LRBA: variants seen among roughly 807,000 people sequenced by gnomAD.
LRBA encodes the protein lipopolysaccharide-responsive and beige-like anchor protein.
Under a neutral mutation model 330.0 loss-of-function variants are expected in LRBA, and 176 were observed. That is an observed-to-expected ratio of 0.53 (90% CI 0.47 to 0.60). LRBA has a LOEUF of 0.60. LRBA is among the 20% of genes least tolerant of loss of function. The pLI, the probability that LRBA is intolerant of heterozygous loss-of-function variation, is 0.00. For missense variants in LRBA, 3,259 were observed against 3,444.8 expected (o/e 0.95, Z 1.35); for synonymous variants, 1,230 against 1,193.0 (o/e 1.03, Z -0.64).
intron 2 of LRBA, among the ~76,000 whole-genome samples, chr4:150,967,127 TA>T (rs991507878): frequency 3.3e-5 from 5 of 152,220 alleles, no homozygotes; most frequent in East Asian, 1.9e-4. Flanking sequence ...ATTAAGGACA[TA>T]AAAAAAATTC....
In LRBA at chr4:150,870,522, T is replaced by C. The variant is rs774336563; in HGVS notation, c.2449+3A>G. The C allele has an allele frequency of 5.2e-6, 8 of 1,529,504 alleles. No individual in the cohort carries two copies. In the Admixed American group the frequency reaches 1.3e-4, roughly 26 times the overall value. 94.7% of individuals were successfully genotyped at this position (1,529,504 alleles called of 1,614,324 possible). A position where few individuals can be genotyped will look rare whatever the true frequency, so the allele number is the denominator to read the frequency against. On this transcript the variant is annotated splice_donor_region_variant and intron_variant, in intron 20 of 56. Transcript: ENST00000651943. ...TTTTTGTTAAAGTATATAAAATACATACGAGGGTTTTGTATCTTCACTGAA... is the reference window on the plus strand; with the variant it reads ...TTTTTGTTAAAGTATATAAAATACACACGAGGGTTTTGTATCTTCACTGAA...
At chr4:150,685,414 ATATAT>A (rs1368917023) in intron 36 of LRBA, among the ~76,000 whole-genome samples, 23 of 19,384 alleles carry the variant, frequency 1.2e-3, no homozygotes, top group African/African-American at 4.2e-3. Flanking sequence ...ATATATATAT[ATATAT>A]ATTTTTTTTT....
At chr4:150,272,345 T>C (rs1050135779) in intron 56 of LRBA, among the ~76,000 whole-genome samples, 16 of 151,948 alleles carry the variant, frequency 1.1e-4, no homozygotes, top group African/African-American at 3.6e-4. Context: ...TAAAGAAAGA[T>C]AGATAAATCC....
At chr4:150,994,156 G>A (rs943231687) in intron 2 of LRBA, among the ~76,000 whole-genome samples, 2 of 151,516 alleles carry the variant, frequency 1.3e-5, no homozygotes, top group Admixed American at 1.3e-4. Flanking sequence ...AACAATACTA[G>A]GGTATTACAC....
At position 150,704,008 on chromosome 4, in the gene LRBA, T is replaced by A. The variant is rs573593778; in HGVS notation, c.5755-20291A>T. On this transcript the variant is annotated intron_variant, in intron 36 of 56. Coordinates refer to ENST00000651943, the MANE Select transcript of LRBA (RefSeq NM_001364905.1). ...TCACTTGAGTCCAGGAGTTTGGAACTCTCCTGCACAATATATAGCAAGACC... is the reference window on the plus strand; with the variant it reads ...TCACTTGAGTCCAGGAGTTTGGAACACTCCTGCACAATATATAGCAAGACC... 1.1e-4 allele frequency among the ~76,000 whole-genome samples: 17 copies of A among 152,110 alleles called. No individual in the cohort carries two copies. In the South Asian group the frequency reaches 3.5e-3, roughly 32 times the overall value.
chr4:150,714,124 A>G (rs1249301758), intron 36 of LRBA, among the ~76,000 whole-genome samples: 1 of 152,198 alleles, frequency 6.6e-6, no homozygotes, highest in Non-Finnish European at 1.5e-5. Context: ...GCAAGTAGAC[A>G]TGGCCACAGC....
chr4:150,686,155 G>C (rs542239874), intron 36 of LRBA, among the ~76,000 whole-genome samples: 1 of 152,244 alleles, frequency 6.6e-6, no homozygotes, highest in East Asian at 1.9e-4. Context: ...GGTTATATTA[G>C]ATCTAAGATT....
intron 2 of LRBA, among the ~76,000 whole-genome samples, chr4:150,960,575 G>A (rs151043311): frequency 6.7e-6 from 1 of 149,186 alleles, no homozygotes; most frequent in East Asian, 1.9e-4. Flanking sequence ...AAAAGAAAGT[G>A]ATTACTGTAA....
chr4:150,685,422 T>TATATATATATATATATA (rs1783518382), intron 36 of LRBA, among the ~76,000 whole-genome samples: 1 of 12,552 alleles, frequency 8.0e-5, no homozygotes, highest in Non-Finnish European at 1.3e-4. Flanking sequence ...ATATATATAT[T>TATATATATATATATATA]TTTTTTTTTT....
At chr4:150,672,823 T>C (rs894360182) in intron 37 of LRBA, among the ~76,000 whole-genome samples, 5 of 152,192 alleles carry the variant, frequency 3.3e-5, no homozygotes, top group African/African-American at 1.2e-4. Context: ...ACTCAGTAAT[T>C]TGCATAAAGC....
chr4:150,633,590 C>T (rs1777592121), intron 37 of LRBA, among the ~76,000 whole-genome samples: 1 of 152,232 alleles, frequency 6.6e-6, no homozygotes, highest in Admixed American at 6.5e-5. Flanking sequence ...CTTTGTTCTA[C>T]ACACTGCAGT....
intron 47 of LRBA, among the ~76,000 whole-genome samples, chr4:150,369,044 C>T (rs1016247740): frequency 6.6e-6 from 1 of 151,636 alleles, no homozygotes; most frequent in Non-Finnish European, 1.5e-5. Context: ...AATAAATGAA[C>T]CTTGAGTCAG....
chr4:150,688,857 T>C (rs778386553), intron 36 of LRBA, among the ~76,000 whole-genome samples: 6 of 152,006 alleles, frequency 3.9e-5, no homozygotes, highest in Admixed American at 3.3e-4. Flanking sequence ...TTGGAGGGAG[T>C]ATAAATTAGT....
At chr4:150,853,213 T>C (rs1750821244) in intron 22 of LRBA, among the ~76,000 whole-genome samples, 1 of 152,146 alleles carries the variant, frequency 6.6e-6, no homozygotes. Context: ...TAAACATGTA[T>C]AGGAAAAGGA....
At chr4:150,675,417 T>C (rs1782441462) in intron 37 of LRBA, among the ~76,000 whole-genome samples, 1 of 152,108 alleles carries the variant, frequency 6.6e-6, no homozygotes, top group Non-Finnish European at 1.5e-5. Context: ...AGATAATCCT[T>C]ATAAAAATAC....
Position 150,533,385 on chromosome 4 carries a change from G to C in LRBA, c.6331-42350C>G, listed in dbSNP as rs1009232861. Among the ~76,000 whole-genome samples the C allele has an allele frequency of 3.3e-5, 5 of 152,054 alleles. No homozygotes were observed. In the South Asian group the frequency reaches 1.0e-3, roughly 32 times the overall value. ...GACAGGGTTTCACCATATTGCCCAG[G>C]CTGTTCTCTAACTCCTGAGCTCAAG... On this transcript the variant is annotated intron_variant, in intron 40 of 56. Coordinates refer to ENST00000651943, the MANE Select transcript of LRBA (RefSeq NM_001364905.1).
chr4:150,613,089 T>C (rs1775431915), intron 37 of LRBA, among the ~76,000 whole-genome samples: 1 of 152,124 alleles, frequency 6.6e-6, no homozygotes. Flanking sequence ...GTTAGAGCCA[T>C]AACATAAAAA....
intron 17 of LRBA, among the ~76,000 whole-genome samples, chr4:150,878,862 A>ATT (rs761864448): frequency 5.7e-5 from 8 of 140,810 alleles, no homozygotes; most frequent in Middle Eastern, 3.6e-3. Flanking sequence ...TGGTCCAGGA[A>ATT]TTTTTTTTTT....
chr4:150,393,451 CCTT>C (rs1744287432), intron 47 of LRBA, among the ~76,000 whole-genome samples: 1 of 151,446 alleles, frequency 6.6e-6, no homozygotes, highest in South Asian at 2.1e-4. Flanking sequence ...TTCTTTCCCT[CCTT>C]CTCCTCACCT....
Sources: gnomAD v4.1 joint callset for allele counts (sites outside exome capture counted in the v4.1 genomes callset) on GRCh38, gnomAD v4.1.1 for gene constraint, MANE v1.5 for transcripts, NCBI Gene and HGNC (gene_info 2026-07-23, HGNC 2026-07-21) for gene names.